HERC2: variants seen among roughly 807,000 people sequenced by gnomAD.
The protein encoded by HERC2 is E3 ubiquitin-protein ligase HERC2.
HERC2 carries 102 observed loss-of-function variants against 537.7 expected under a neutral mutation model. That is an observed-to-expected ratio of 0.19 (90% CI 0.16 to 0.22). HERC2 has a LOEUF of 0.22. Ranked by LOEUF, HERC2 falls within the 10% of genes least tolerant of loss-of-function variation. HERC2 has a pLI of 1.00. For synonymous variants in HERC2, 2,224 were observed against 2,466.2 expected (o/e 0.90, Z 2.91); for missense variants, 4,236 against 6,198.2 (o/e 0.68, Z 10.63).
chr15:28,266,819 C>T (rs187376071), intron 12 of HERC2, among the ~76,000 whole-genome samples: 5 of 152,284 alleles, frequency 3.3e-5, no homozygotes, highest in Admixed American at 1.3e-4. Flanking sequence ...GCGATGGGAG[C>T]GCCCCATGTC....
chr15:28,203,648 A>G (rs1898106385), intron 45 of HERC2: 1 of 152,112 alleles, frequency 6.6e-6, no homozygotes, highest in African/African-American at 2.4e-5. Context: ...ACGCGCATTT[A>G]ACCACAGACG....
At position 28,111,703 on chromosome 15, in the gene HERC2, C is replaced by A; in HGVS notation, c.*60G>T. On this transcript the variant is annotated 3_prime_UTR_variant, in exon 93 of 93. Coordinates refer to ENST00000261609, the MANE Select transcript of HERC2 (RefSeq NM_004667.6). ...CACACCAGGCAGCCTACAGTCTACA[C>A]AGCAGCGAGCGCTCTGCTGCCTGGC... 1 of 1,560,534 alleles carries A rather than the reference C, an allele frequency of 6.4e-7. No homozygotes were observed. Among genetic ancestry groups the A allele is most frequent in the South Asian group, 1.2e-5 (1 of 85,426 alleles).
In HERC2 at chr15:28,260,852, C is replaced by G. The variant is rs1353043107; in HGVS notation, c.2241G>C (p.Val747=). ...GCAATGCTGCAGGTTCTGGCTTGGT[C>G]ACGCGCAAGGTGTCAAAGTGCTGGC... ...DQCQHFDTLR[V]TKPEPAALPG... The change falls in exon 16 of 93, where the codon GTG becomes GTC. Residue 747 remains valine (V), a synonymous_variant. Coordinates refer to ENST00000261609, the MANE Select transcript of HERC2 (RefSeq NM_004667.6). The G allele has an allele frequency of 6.2e-7, 1 of 1,614,240 alleles. No individual in the cohort carries two copies. Among genetic ancestry groups the G allele is most frequent in the Non-Finnish European group, 8.5e-7 (1 of 1,180,048 alleles).
At chr15:28,281,955 T>C (rs1171092485) in intron 4 of HERC2, among the ~76,000 whole-genome samples, 1 of 152,124 alleles carries the variant, frequency 6.6e-6, no homozygotes, top group Non-Finnish European at 1.5e-5. Flanking sequence ...AGCTCTGCCC[T>C]TGAGCACCCA....
Position 28,272,005 on chromosome 15 carries a change from T to C in HERC2, c.1083+210A>G, listed in dbSNP as rs377054106. On this transcript the variant is annotated intron_variant, in intron 9 of 92. Transcript: ENST00000261609. ...AAAAGTGAATGTTTCAAGCTTGGTT[T>C]TGTGCTGACAAGGAAGTCAGTGCTC... 9.0e-6 allele frequency: 5 copies of C among 553,446 alleles called. No homozygotes were observed. The Admixed American group carries it at 1.0e-4, about 11-fold the overall frequency. 34.3% of individuals were successfully genotyped at this position (553,446 alleles called of 1,614,324 possible).
chr15:28,235,099 A>G (rs1000382849), intron 26 of HERC2, among the ~76,000 whole-genome samples: 52 of 152,004 alleles, frequency 3.4e-4, no homozygotes, highest in African/African-American at 1.2e-3. Flanking sequence ...GTGTTATCAA[A>G]TACTGCTCCA....
At chr15:28,236,763 T>C (rs1167914008) in intron 26 of HERC2, among the ~76,000 whole-genome samples, 200 bp downstream of exon 26, 1 of 151,854 alleles carries the variant, frequency 6.6e-6, no homozygotes, top group Non-Finnish European at 1.5e-5. Flanking sequence ...AATTTTTGTG[T>C]TTTTTGTAGA....
At chr15:28,314,863 GAAAA>G in intron 2 of HERC2, among the ~76,000 whole-genome samples, 1 of 142,776 alleles carries the variant, frequency 7.0e-6, no homozygotes, top group African/African-American at 2.6e-5. Flanking sequence ...TCCCTCTCAG[GAAAA>G]AAAAAAAAAA....
chr15:28,114,520 A>T, intron 90 of HERC2, 92 bp downstream of exon 90: 1 of 1,138,128 alleles, frequency 8.8e-7, no homozygotes, highest in South Asian at 1.4e-5. Flanking sequence ...TTTACTGTGT[A>T]TGACACTCCT....
intron 16 of HERC2, among the ~76,000 whole-genome samples, chr15:28,257,605 T>C (rs1381406910): frequency 2.6e-5 from 4 of 152,210 alleles, no homozygotes; most frequent in Non-Finnish European, 5.9e-5. Flanking sequence ...AACGAATTGT[T>C]AGATGCATAT....
rs763475486 is a variant in HERC2, at chr15:28,167,792, T to C, written c.10449A>G (p.Ala3483=). The C allele has an allele frequency of 3.1e-6, 5 of 1,614,054 alleles. No individual in the cohort carries two copies. The African/African-American group carries it at 6.7e-5, about 22-fold the overall frequency. ...AGGCTGAGGGGGCCGACGGAGTCAC[T>C]GCAGAGGGGGTCACTGCGTCCTCAG... ...VSSEDAVTPS[A]VTPSAPSASA... The change falls in exon 68 of 93, where the codon GCA becomes GCG. Residue 3483 remains alanine, a synonymous_variant. Transcript: ENST00000261609.
At chr15:28,304,165 CAAAAAAAAAAAAA>C (rs779514776) in intron 2 of HERC2, among the ~76,000 whole-genome samples, 1 of 63,820 alleles carries the variant, frequency 1.6e-5, no homozygotes, top group African/African-American at 5.5e-5. Flanking sequence ...GACTCCATCT[CAAAAAAAAAAAAA>C]AAAAAAAAAA....
At chr15:28,112,544 T>C in intron 92 of HERC2, among the ~76,000 whole-genome samples, 1 of 152,230 alleles carries the variant, frequency 6.6e-6, no homozygotes. Flanking sequence ...GGACACATGC[T>C]GGGAACAGTG....
rs187929236 is a variant in HERC2 at position 28,277,281 on chromosome 15, C to T, written c.543-2276G>A. 3.0e-3 allele frequency among the ~76,000 whole-genome samples: 454 copies of T among 152,086 alleles called. 4 individuals are homozygous for T. The highest frequency in any genetic ancestry group is 3.1e-3 in the Non-Finnish European group (212 of 67,992). Reference sequence around the variant, plus strand: ...CACCTGAAAAAATTGCAAAGAAATACACACACAATTGAGAGCATGTAAAAC... The same window carrying T: ...CACCTGAAAAAATTGCAAAGAAATATACACACAATTGAGAGCATGTAAAAC... On this transcript the variant is annotated intron_variant, in intron 5 of 92. Coordinates refer to ENST00000261609, the MANE Select transcript of HERC2 (RefSeq NM_004667.6).
At chr15:28,272,074 G>T in intron 9 of HERC2, 141 bp downstream of exon 9, 1 of 728,486 alleles carries the variant, frequency 1.4e-6, no homozygotes, top group Non-Finnish European at 2.2e-6. Flanking sequence ...TCCCACACCT[G>T]TCTCATCTGA....
At chr15:28,255,356 A>G (rs1373757080) in intron 19 of HERC2, among the ~76,000 whole-genome samples, 1 of 152,176 alleles carries the variant, frequency 6.6e-6, no homozygotes, top group East Asian at 1.9e-4. Context: ...AACAAAAACC[A>G]AAAGCAATTA....
chr15:28,287,498 A>G (rs1168549197), intron 4 of HERC2, among the ~76,000 whole-genome samples: 1 of 152,136 alleles, frequency 6.6e-6, no homozygotes, highest in Non-Finnish European at 1.5e-5. Context: ...TTACCTACCC[A>G]TAACTGTAGG....
chr15:28,274,182 G>A (rs1006141944), intron 7 of HERC2, 109 bp downstream of exon 7: 1 of 1,117,186 alleles, frequency 9.0e-7, no homozygotes, highest in African/African-American at 1.6e-5. Flanking sequence ...CTGAAAACAG[G>A]TGAAAAACCA....
intron 83 of HERC2, among the ~76,000 whole-genome samples, chr15:28,128,221 G>A (rs1889715736): frequency 6.6e-6 from 1 of 152,212 alleles, no homozygotes; most frequent in African/African-American, 2.4e-5. Flanking sequence ...CAGGACAGAG[G>A]GTACAGCTTG....
Sources: allele counts gnomAD v4.1 joint callset (sites outside exome capture counted in the v4.1 genomes callset), GRCh38; gene constraint gnomAD v4.1.1; transcripts MANE v1.5; gene names NCBI Gene and HGNC (gene_info 2026-07-23, HGNC 2026-07-21).